ANO3: variants seen among roughly 807,000 people sequenced by gnomAD.
The protein encoded by ANO3 is anoctamin 3.
Under a neutral mutation model 144.8 loss-of-function variants are expected in ANO3, and 99 were observed. The ratio of observed to expected loss-of-function variants is 0.68; its 90% CI spans 0.58 to 0.81. ANO3 has a LOEUF of 0.81. Ranked by LOEUF, ANO3 falls within the 30% of genes least tolerant of loss-of-function variation. The pLI is 0.00. For missense variants in ANO3, 905 were observed against 1,202.2 expected (o/e 0.75, Z 3.66); for synonymous variants, 414 against 392.6 (o/e 1.05, Z -0.64).
chr11:26,484,608 C>G (rs562604585), intron 4 of ANO3, among the ~76,000 whole-genome samples: 3 of 152,218 alleles, frequency 2.0e-5, no homozygotes, highest in Non-Finnish European at 2.9e-5. Context: ...GGGGTTGGAG[C>G]CCCCACACAG....
chr11:26,539,576 G>A (rs954364767), intron 10 of ANO3, among the ~76,000 whole-genome samples: 2 of 152,188 alleles, frequency 1.3e-5, no homozygotes, highest in African/African-American at 4.8e-5. Context: ...CCTAATAAAT[G>A]TATCTATTTC....
Position 26,586,934 on chromosome 11 carries a change from T to C in ANO3, c.1448-11431T>C, listed in dbSNP as rs139940577. Among the ~76,000 whole-genome samples the C allele has an allele frequency of 6.6e-5, 10 of 152,314 alleles. No individual in the cohort carries two copies. In the East Asian group the frequency reaches 1.7e-3, roughly 27 times the overall value. On this transcript the variant is annotated intron_variant, in intron 14 of 26. Coordinates refer to ENST00000256737, the MANE Select transcript of ANO3 (RefSeq NM_031418.4). ...ATAAAATGGATTATAAGATACTTTATTCAAAGTCATAGATTCGTAGAGTTT... is the reference window on the plus strand; with the variant it reads ...ATAAAATGGATTATAAGATACTTTACTCAAAGTCATAGATTCGTAGAGTTT...
At chr11:26,256,987 C>G (rs767516893) in intron 1 of ANO3, among the ~76,000 whole-genome samples, 4 of 151,676 alleles carry the variant, frequency 2.6e-5, no homozygotes, top group Non-Finnish European at 4.4e-5. Context: ...CAACCCCCAG[C>G]AAAAAAATTA....
intron 1 of ANO3, among the ~76,000 whole-genome samples, chr11:26,403,184 T>G (rs1408586584): frequency 6.6e-6 from 1 of 151,938 alleles, no homozygotes; most frequent in Admixed American, 6.6e-5. Flanking sequence ...AAAAACATGA[T>G]CAGATCCAGA....
chr11:26,653,330 G>A (rs1853589096), intron 24 of ANO3, among the ~76,000 whole-genome samples: 1 of 151,888 alleles, frequency 6.6e-6, no homozygotes. Flanking sequence ...ATGATCCTTG[G>A]CAATCAGCCT....
At chr11:26,576,985 C>T (rs911980880) in intron 14 of ANO3, among the ~76,000 whole-genome samples, 26 of 147,068 alleles carry the variant, frequency 1.8e-4, no homozygotes, top group Middle Eastern at 3.4e-3. Context: ...TTCTTCTCAA[C>T]GTTGGCCCAT....
intron 1 of ANO3, among the ~76,000 whole-genome samples, chr11:26,392,533 A>G (rs1297159355): frequency 2.0e-5 from 3 of 152,034 alleles, no homozygotes; most frequent in Non-Finnish European, 4.4e-5. Flanking sequence ...GGCTTTACTA[A>G]TTTTATAGTT....
intron 1 of ANO3, among the ~76,000 whole-genome samples, chr11:26,248,252 C>T (rs910233703): frequency 8.6e-5 from 13 of 152,002 alleles, no homozygotes; most frequent in African/African-American, 3.1e-4. Context: ...GCAGGAGAAT[C>T]GCTTGAACCC....
intron 5 of ANO3, among the ~76,000 whole-genome samples, chr11:26,510,587 A>G (rs1861625939): frequency 1.3e-5 from 2 of 152,172 alleles, no homozygotes; most frequent in Non-Finnish European, 2.9e-5. Flanking sequence ...TTTCTCACAT[A>G]TCTCAAACTA....
chr11:26,375,327 C>G (rs2133943206), intron 1 of ANO3, among the ~76,000 whole-genome samples: 1 of 152,274 alleles, frequency 6.6e-6, no homozygotes, highest in Non-Finnish European at 1.5e-5. Flanking sequence ...TCCTCCTCTG[C>G]TGCCCGGTTC....
At position 26,560,879 on chromosome 11, in the gene ANO3, T is replaced by C. The variant is rs576675632; in HGVS notation, c.1447+1100T>C. 7.5e-6 allele frequency: 4 copies of C among 534,308 alleles called. No individual in the cohort carries two copies. The South Asian group carries it at 9.6e-5, about 13-fold the overall frequency. The allele number at this position is 534,308 out of a possible 1,614,324, so 33.1% of individuals were successfully genotyped here. A position where few individuals can be genotyped will look rare whatever the true frequency, so the allele number is the denominator to read the frequency against. The stretch of plus-strand genomic sequence containing the variant: ...GTAAATGCCTCAGGATGGCCAAAAA[T>C]TGTAAGAAAGAAAACCTTTGGATGA... On this transcript the variant is annotated intron_variant, in intron 14 of 26. Coordinates refer to ENST00000256737, the MANE Select transcript of ANO3 (RefSeq NM_031418.4).
intron 1 of ANO3, among the ~76,000 whole-genome samples, chr11:26,405,482 T>C (rs140726879): frequency 7.8e-4 from 118 of 151,968 alleles, no homozygotes; most frequent in African/African-American, 2.7e-3. Flanking sequence ...CTGAAAACCA[T>C]TGAGACAACA....
At chr11:26,400,842 G>GT (rs1857128804) in intron 1 of ANO3, among the ~76,000 whole-genome samples, 1 of 15,478 alleles carries the variant, frequency 6.5e-5, no homozygotes, top group Non-Finnish European at 1.9e-4. Flanking sequence ...CTGCCTAGAT[G>GT]AATATATATA....
At position 26,264,496 on chromosome 11, in the gene ANO3, T is replaced by G. The variant is rs78157317; in HGVS notation, c.155-45149T>G. ...ATACAAAGTGATGATGTGAGAATCTTTATTTTGATACTATTTGTGTGAGGA... is the reference window on the plus strand; with the variant it reads ...ATACAAAGTGATGATGTGAGAATCTGTATTTTGATACTATTTGTGTGAGGA... On this transcript the variant is annotated intron_variant, in intron 1 of 27. Transcript: ENST00000672621. Among the ~76,000 whole-genome samples, 628 of 151,618 alleles carry G rather than the reference T, an allele frequency of 4.1e-3. 1 individual carries two copies. The highest frequency in any genetic ancestry group is 0.015 in the African/African-American group (601 of 40,974).
rs1166114175 is a variant in ANO3, at chr11:26,189,803, T to G, written c.154+473T>G. ...AAGAGAATATTCATTTTAGTTATTT[T>G]ATGATCTGATTTAGATTCTATATGA... On this transcript the variant is annotated intron_variant, in intron 1 of 27. Transcript: ENST00000672621. Among the ~76,000 whole-genome samples, 4 of 152,342 alleles carry G rather than the reference T, an allele frequency of 2.6e-5. 1 individual carries two copies. The East Asian group carries it at 7.7e-4, about 29-fold the overall frequency.
chr11:26,570,434 G>A (rs1418472991), intron 14 of ANO3, among the ~76,000 whole-genome samples: 1 of 151,996 alleles, frequency 6.6e-6, no homozygotes, highest in Non-Finnish European at 1.5e-5. Flanking sequence ...GAAATCGTGG[G>A]TCATACTTAT....
intron 5 of ANO3, among the ~76,000 whole-genome samples, chr11:26,514,105 TG>T (rs1861771758): frequency 6.7e-6 from 1 of 150,072 alleles, no homozygotes; most frequent in Non-Finnish European, 1.5e-5. Flanking sequence ...TTTAAGAAAA[TG>T]TATGCCCAGT....
At chr11:26,500,400 A>G (rs1861145571) in intron 4 of ANO3, among the ~76,000 whole-genome samples, 1 of 152,094 alleles carries the variant, frequency 6.6e-6, no homozygotes. Flanking sequence ...AAGATTCTGC[A>G]CTGCTTTGCA....
At chr11:26,293,243 A>G (rs1373333836) in intron 1 of ANO3, among the ~76,000 whole-genome samples, 2 of 152,136 alleles carry the variant, frequency 1.3e-5, no homozygotes, top group Non-Finnish European at 2.9e-5. Context: ...AGCAAAACCT[A>G]AATAAAAAGG....
Sources: gnomAD v4.1 joint callset for allele counts (sites outside exome capture counted in the v4.1 genomes callset) on GRCh38, gnomAD v4.1.1 for gene constraint, MANE v1.5 for transcripts, NCBI Gene and HGNC (gene_info 2026-07-23, HGNC 2026-07-21) for gene names.